Variants in NTM observed in about 807,000 individuals in gnomAD.
NTM encodes the protein IgLON family member 2.
NTM carries 13 observed loss-of-function variants against 42.1 expected under a neutral mutation model. The observed-to-expected ratio is 0.31, with a 90% CI of 0.20 to 0.49. NTM has a LOEUF of 0.49. Among genes scored for constraint, NTM ranks in the 20% least tolerant of loss-of-function variants. The probability of loss-of-function intolerance (pLI) is 0.99; values close to 1 mark genes in which losing one functional copy is unlikely to be tolerated. For missense variants in NTM, 373 were observed against 452.8 expected (o/e 0.82, Z 1.60); for synonymous variants, 187 against 179.2 (o/e 1.04, Z -0.35).
intron 1 of NTM, among the ~76,000 whole-genome samples, chr11:131,891,433 G>A (rs141964561): frequency 1.2e-3 from 189 of 152,284 alleles, no homozygotes; most frequent in African/African-American, 4.3e-3. Flanking sequence ...CCAGAAGTAT[G>A]GGGAATCTAA....
At chr11:132,026,392 G>T (rs543430551) in intron 2 of NTM, among the ~76,000 whole-genome samples, 1 of 152,190 alleles carries the variant, frequency 6.6e-6, no homozygotes, top group South Asian at 2.1e-4. Context: ...AACCATCCTG[G>T]GGTCCACTTA....
At chr11:132,309,648 G>C (rs768016522) in intron 5 of NTM, among the ~76,000 whole-genome samples, 1 of 152,094 alleles carries the variant, frequency 6.6e-6, no homozygotes, top group Non-Finnish European at 1.5e-5. Context: ...TTCTTAGAGC[G>C]GCATCAAAAA....
chr11:132,325,101 T>C (rs2095650758), intron 7 of NTM, among the ~76,000 whole-genome samples: 1 of 152,080 alleles, frequency 6.6e-6, no homozygotes, highest in Non-Finnish European at 1.5e-5. Context: ...ATTCAGGACA[T>C]AGGCGTGGGC....
At chr11:131,993,263 G>C (rs2067346376) in intron 2 of NTM, among the ~76,000 whole-genome samples, 1 of 152,128 alleles carries the variant, frequency 6.6e-6, no homozygotes, top group Non-Finnish European at 1.5e-5. Flanking sequence ...AGGGGAGAAA[G>C]GTCTTACCTA....
At chr11:132,263,867 C>T (rs1017683485) in intron 4 of NTM, among the ~76,000 whole-genome samples, 6 of 152,166 alleles carry the variant, frequency 3.9e-5, no homozygotes, top group African/African-American at 1.4e-4. Flanking sequence ...TCTGAAATCT[C>T]GTCAGAACGG....
chr11:131,575,179 A>G (rs1458359046), intron 1 of NTM, among the ~76,000 whole-genome samples: 1 of 110,928 alleles, frequency 9.0e-6, no homozygotes, highest in Admixed American at 9.2e-5. Flanking sequence ...GTCACAGTGA[A>G]CTTCAGCATA....
At chr11:131,593,024 C>T (rs574509251) in intron 1 of NTM, among the ~76,000 whole-genome samples, 23 of 152,214 alleles carry the variant, frequency 1.5e-4, no homozygotes, top group Non-Finnish European at 2.6e-4. Flanking sequence ...TCTCCCTGCA[C>T]ACTCCCTTGC....
intron 1 of NTM, among the ~76,000 whole-genome samples, chr11:131,504,893 C>A (rs79540657): frequency 0.05 from 7,671 of 152,196 alleles, 251 homozygotes; most frequent in Middle Eastern, 0.14. Context: ...TGGCAATTGG[C>A]GGTCATGTCT....
intron 2 of NTM, among the ~76,000 whole-genome samples, chr11:131,994,288 T>C (rs937927206): frequency 5.3e-5 from 8 of 152,168 alleles, no homozygotes; most frequent in African/African-American, 1.7e-4. Flanking sequence ...GTAAACATTC[T>C]GAGGGGTGGG....
At chr11:131,526,503 C>T (rs537590363) in intron 1 of NTM, among the ~76,000 whole-genome samples, 5 of 152,296 alleles carry the variant, frequency 3.3e-5, no homozygotes, top group East Asian at 3.9e-4. Context: ...CATCTTTGTA[C>T]ATTTTAATCT....
chr11:131,891,901 C>T (rs1592619714), intron 1 of NTM, among the ~76,000 whole-genome samples: 1 of 152,090 alleles, frequency 6.6e-6, no homozygotes, highest in Non-Finnish European at 1.5e-5. Context: ...TTCCTTTTGC[C>T]CTTTGTAAAT....
chr11:132,313,630 A>G (rs80041053), intron 6 of NTM, among the ~76,000 whole-genome samples: 5,216 of 152,288 alleles, frequency 0.034, 281 homozygotes, highest in African/African-American at 0.11. Flanking sequence ...GGTGGTATCC[A>G]TGATCGCCAT....
chr11:132,089,871 T>C (rs1446069263), intron 2 of NTM, among the ~76,000 whole-genome samples: 1 of 152,232 alleles, frequency 6.6e-6, no homozygotes, highest in Non-Finnish European at 1.5e-5. Flanking sequence ...AGAAGTTTTA[T>C]AACCAGTTAG....
rs888507946 is a variant in NTM at position 132,002,601 on chromosome 11, C to G, written c.167+90953C>G. Among the ~76,000 whole-genome samples the G allele has an allele frequency of 3.3e-5, 5 of 152,192 alleles. No homozygotes were observed. Among genetic ancestry groups the G allele is most frequent in the Admixed American group, 6.5e-5 (1 of 15,286 alleles). On this transcript the variant is annotated intron_variant, in intron 2 of 8. Coordinates refer to ENST00000683400, the MANE Select transcript of NTM (RefSeq NM_001352005.2). This position sits in a 1 kb window ranked among gnomAD's most constrained non-coding sequence, Gnocchi z 4.5. ...GGCCATTGCTTGAATAACTTTCTGC[C>G]TCTAGTATCCCCAAACTTATGTTTT...
intron 2 of NTM, among the ~76,000 whole-genome samples, chr11:132,136,093 A>G (rs948367306): frequency 6.6e-6 from 1 of 152,186 alleles, no homozygotes. Flanking sequence ...ACAGTCCACT[A>G]GAGAGAGGAG....
At chr11:131,428,435 C>T (rs193006554) in intron 1 of NTM, among the ~76,000 whole-genome samples, 39 of 152,278 alleles carry the variant, frequency 2.6e-4, no homozygotes, top group Non-Finnish European at 3.8e-4. Flanking sequence ...TGTGTGGCCT[C>T]TTTCCTCTTC....
intron 3 of NTM, among the ~76,000 whole-genome samples, chr11:132,192,022 A>G (rs2079397204): frequency 6.6e-6 from 1 of 152,210 alleles, no homozygotes; most frequent in African/African-American, 2.4e-5. Context: ...GATTCTGTAA[A>G]GAGACCAAAC....
intron 8 of NTM, among the ~76,000 whole-genome samples, chr11:132,330,522 T>G (rs939187825): frequency 7.9e-5 from 12 of 152,176 alleles, no homozygotes; most frequent in South Asian, 4.1e-4. Flanking sequence ...TGCAGCGATC[T>G]TCTCAGACCT....
rs547301374 is a variant in NTM, at chr11:131,404,832, C to A, written c.82+33944C>A. ...TACTACATGTGTTAGGGTTAATTGC[C>A]ATTTAAAATTCCTTCAAAAATGATT... On this transcript the variant is annotated intron_variant, in intron 1 of 8. Coordinates refer to ENST00000683400, the MANE Select transcript of NTM (RefSeq NM_001352005.2). 3.3e-5 allele frequency among the ~76,000 whole-genome samples: 5 copies of A among 152,238 alleles called. No individual in the cohort carries two copies. In the South Asian group the frequency reaches 1.0e-3, roughly 32 times the overall value.
Sources: allele counts gnomAD v4.1 joint callset (sites outside exome capture counted in the v4.1 genomes callset), GRCh38; gene constraint gnomAD v4.1.1; non-coding constraint Gnocchi (gnomAD v3.1); transcripts MANE v1.5; gene names NCBI Gene and HGNC (gene_info 2026-07-23, HGNC 2026-07-21).